The following ANO6 variants were observed in gnomAD, a reference collection of about 807,000 sequenced individuals.
The protein encoded by ANO6 is anoctamin-6.
Under a neutral mutation model 117.5 loss-of-function variants are expected in ANO6, and 106 were observed. The ratio of observed to expected loss-of-function variants is 0.90; its 90% CI spans 0.77 to 1.06. The LOEUF is 1.06. Among genes scored for constraint, ANO6 ranks in the 50% least tolerant of loss-of-function variants. ANO6 has a pLI of 0.00. For missense variants in ANO6, 955 were observed against 1,121.1 expected (o/e 0.85, Z 2.12); for synonymous variants, 367 against 385.1 (o/e 0.95, Z 0.55).
At chr12:45,318,480 G>T (rs181460252) in intron 2 of ANO6, among the ~76,000 whole-genome samples, 7 of 151,940 alleles carry the variant, frequency 4.6e-5, no homozygotes, top group Non-Finnish European at 7.4e-5. Flanking sequence ...TCCATTGGTC[G>T]ATATCTCTGT....
chr12:45,416,791 G>A lies in ANO6; in HGVS notation c.2104G>A (p.Asp702Asn), dbSNP rs1157875940. 2 of 1,614,016 alleles carry A rather than the reference G, an allele frequency of 1.2e-6. No homozygotes were observed. The highest frequency in any genetic ancestry group is 2.7e-5 in the African/African-American group (2 of 74,884). The change falls in exon 17 of 20, where the codon GAC becomes AAC. Residue 702 changes from aspartate to asparagine, a missense_variant. Physicochemically the swap from Asp to Asn is conservative, Grantham distance 23. Transcript: ENST00000320560. The part of the protein sequence containing the change: ...LVNNILEIRV[D>N]AWKLTTQFRR... ...GAACAATATATTGGAAATAAGAGTG[G>A]ACGCATGGAAACTGACCACCCAGTT...
Position 45,438,251 on chromosome 12 carries a change from ATGTGTG to A in ANO6, c.2527-1404_2527-1399del, listed in dbSNP as rs58453929. On this transcript the variant is annotated intron_variant, in intron 19 of 19. Coordinates refer to the ANO6 transcript ENST00000425752. ...CCACATTCAGCACATATTTGCGTGT[ATGTGTG>A]TGTGTGTGTGTGTGTGTGTATGTAT... 5.5e-4 allele frequency among the ~76,000 whole-genome samples: 80 copies of A among 146,734 alleles called. 1 individual carries two copies. The highest frequency in any genetic ancestry group is 1.6e-3 in the East Asian group (8 of 5,072).
At chr12:45,384,797 G>A (rs1005591588) in intron 10 of ANO6, among the ~76,000 whole-genome samples, 28 of 152,342 alleles carry the variant, frequency 1.8e-4, no homozygotes, top group African/African-American at 6.5e-4. Context: ...GTGACACAAA[G>A]TGGGTACATG....
In ANO6 at chr12:45,373,951, G is replaced by T. The variant is rs142544473; in HGVS notation, c.1105-4102G>T. Among the ~76,000 whole-genome samples, 757 of 152,150 alleles carry T rather than the reference G, an allele frequency of 5.0e-3. 3 individuals are homozygous for T. Among genetic ancestry groups the T allele is most frequent in the Admixed American group, 7.9e-3 (121 of 15,284 alleles). On this transcript the variant is annotated intron_variant, in intron 9 of 19. Coordinates refer to ENST00000320560, the MANE Select transcript of ANO6 (RefSeq NM_001025356.3). Reference sequence around the variant, plus strand: ...TGTTTTTTGAAAGATCAACAAAATAGATAGACCACTAGCAAGACTAATAAA... The same window carrying T: ...TGTTTTTTGAAAGATCAACAAAATATATAGACCACTAGCAAGACTAATAAA...
intron 19 of ANO6, 24 bp downstream of exon 19, chr12:45,423,086 A>G: frequency 1.3e-6 from 2 of 1,549,096 alleles, no homozygotes; most frequent in Non-Finnish European, 1.8e-6. Flanking sequence ...GCTTTCAAAC[A>G]GTTTATAAGG....
chr12:45,256,800 A>G (rs888310333), intron 1 of ANO6: 51 of 152,218 alleles, frequency 3.4e-4, no homozygotes, highest in Admixed American at 3.3e-3. Flanking sequence ...TTATTCATAA[A>G]TGTATTTTAA....
chr12:45,242,011 G>C (rs949646860), intron 1 of ANO6, among the ~76,000 whole-genome samples: 1 of 152,222 alleles, frequency 6.6e-6, no homozygotes, highest in African/African-American at 2.4e-5. Context: ...CTCCCAGTTA[G>C]GCTACATGGG....
At chr12:45,398,847 A>G (rs766768858) in intron 12 of ANO6, among the ~76,000 whole-genome samples, 5 of 152,346 alleles carry the variant, frequency 3.3e-5, no homozygotes, top group Non-Finnish European at 7.4e-5. Context: ...TAGATAGTAG[A>G]TAAATTTTTT....
downstream of ANO6, among the ~76,000 whole-genome samples, chr12:45,433,689 T>TCGTCACCGTCAC (rs60282823): frequency 6.6e-6 from 1 of 152,092 alleles, no homozygotes; most frequent in African/African-American, 2.4e-5. Flanking sequence ...CTTTGAGCCC[T>TCGTCACCGTCAC]CGTCACCGTC....
rs574376627 is a variant in ANO6 at position 45,313,868 on chromosome 12, C to T, written c.150+11775C>T. Among the ~76,000 whole-genome samples the T allele has an allele frequency of 5.9e-5, 9 of 152,024 alleles. No homozygotes were observed. The South Asian group carries it at 1.4e-3, about 24-fold the overall frequency. On this transcript the variant is annotated intron_variant, in intron 2 of 19. Transcript: ENST00000320560. The stretch of plus-strand genomic sequence containing the variant: ...TAAGTTATGTACTATTTTGAGTAAG[C>T]GACTATTAGCTTCACTAAATTTTGG...
Position 45,331,341 on chromosome 12 carries a change from A to G in ANO6, c.197A>G (p.Gln66Arg), listed in dbSNP as rs760174767. 1.2e-6 allele frequency: 2 copies of G among 1,610,366 alleles called. No homozygotes were observed. Among genetic ancestry groups the G allele is most frequent in the South Asian group, 2.2e-5 (2 of 90,252 alleles). The change falls in exon 3 of 20, where the codon CAG becomes CGG. Residue 66 changes from glutamine (Q) to arginine (R), a missense_variant. Coordinates refer to ENST00000320560, the MANE Select transcript of ANO6 (RefSeq NM_001025356.3). ...GACTCCCTCTTTTTTAATGATGGCC[A>G]GCGAAGAATTGACTTTGTTCTAGTA... is the stretch of plus-strand genomic sequence containing the variant. ...KPDSLFFNDGQRRIDFVLVYE... is the reference protein window; with the variant it reads ...KPDSLFFNDGRRRIDFVLVYE...
intron 12 of ANO6, among the ~76,000 whole-genome samples, chr12:45,395,653 A>G (rs1942591270): frequency 1.3e-5 from 2 of 152,208 alleles, no homozygotes; most frequent in Non-Finnish European, 2.9e-5. Flanking sequence ...ACGATCAAGT[A>G]GGCTTCATCC....
At chr12:45,289,103 C>G (rs1939012410) in intron 1 of ANO6, among the ~76,000 whole-genome samples, 1 of 151,344 alleles carries the variant, frequency 6.6e-6, no homozygotes. Context: ...TTTAAGCAAT[C>G]AAGTATTTCC....
At chr12:45,250,102 A>G (rs1418096027) in intron 1 of ANO6, among the ~76,000 whole-genome samples, 3 of 152,216 alleles carry the variant, frequency 2.0e-5, no homozygotes, top group African/African-American at 7.2e-5. Flanking sequence ...CTGTGTTACT[A>G]GAGATAATAA....
intron 10 of ANO6, among the ~76,000 whole-genome samples, 166 bp downstream of exon 10, chr12:45,378,279 A>G (rs1405534362): frequency 5.9e-5 from 9 of 152,132 alleles, no homozygotes; most frequent in African/African-American, 2.2e-4. Context: ...TTACTATATT[A>G]AAATCTGCAT....
chr12:45,253,039 A>G (rs1937680652), intron 1 of ANO6, among the ~76,000 whole-genome samples: 2 of 152,202 alleles, frequency 1.3e-5, no homozygotes, highest in Non-Finnish European at 1.5e-5. Flanking sequence ...CTCTGTAGAT[A>G]CTGGTATAAC....
At chr12:45,363,451 C>A (rs1941606365) in intron 8 of ANO6, among the ~76,000 whole-genome samples, 1 of 151,760 alleles carries the variant, frequency 6.6e-6, no homozygotes, top group Non-Finnish European at 1.5e-5. Flanking sequence ...GTGGTCCCAG[C>A]TACTTGGGAG....
At chr12:45,248,561 G>A (rs1439565930) in intron 1 of ANO6, among the ~76,000 whole-genome samples, 1 of 151,222 alleles carries the variant, frequency 6.6e-6, no homozygotes, top group Non-Finnish European at 1.5e-5. Context: ...AGCCTCCTGA[G>A]TAGCTAGGAT....
At chr12:45,377,678 C>A (rs1293226058) in intron 9 of ANO6, among the ~76,000 whole-genome samples, 1 of 152,170 alleles carries the variant, frequency 6.6e-6, no homozygotes, top group East Asian at 1.9e-4. Flanking sequence ...GCTTAGGGAT[C>A]ATTGTATTTG....
Sources: gnomAD v4.1 joint callset for allele counts (sites outside exome capture counted in the v4.1 genomes callset) on GRCh38, gnomAD v4.1.1 for gene constraint, MANE v1.5 for transcripts, NCBI Gene and HGNC (gene_info 2026-07-23, HGNC 2026-07-21) for gene names.